ZBTB7C: variants seen among roughly 807,000 people sequenced by gnomAD.
ZBTB7C encodes the protein zinc finger and BTB domain-containing protein 7C.
A neutral mutation model predicts 25.7 loss-of-function variants in ZBTB7C; 8 were observed. The ratio of observed to expected loss-of-function variants is 0.31; its 90% CI spans 0.18 to 0.56. The LOEUF (loss-of-function observed/expected upper bound fraction) is 0.56. Among genes scored for constraint, ZBTB7C ranks in the 20% least tolerant of loss-of-function variants. The pLI is 0.91. For synonymous variants in ZBTB7C, 394 were observed against 369.0 expected (o/e 1.07, Z -0.78); for missense variants, 824 against 855.2 (o/e 0.96, Z 0.46).
chr18:48,262,298 T>G (rs1335304159), intron 2 of ZBTB7C, among the ~76,000 whole-genome samples: 2 of 151,984 alleles, frequency 1.3e-5, no homozygotes, highest in African/African-American at 4.8e-5. Context: ...GAGAGTTCAG[T>G]GAAGTTGAAG....
At chr18:48,056,229 A>G (rs914208334) in intron 3 of ZBTB7C, among the ~76,000 whole-genome samples, 1 of 152,238 alleles carries the variant, frequency 6.6e-6, no homozygotes, top group African/African-American at 2.4e-5. Flanking sequence ...GCACTCCTTA[A>G]GACTTAAGTC....
chr18:48,136,183 C>T (rs578010157), intron 3 of ZBTB7C, among the ~76,000 whole-genome samples: 71 of 152,242 alleles, frequency 4.7e-4, no homozygotes, highest in Admixed American at 1.5e-3. Flanking sequence ...GGAACTCAGG[C>T]GCTCCAGTGG....
chr18:48,386,065 C>T (rs1015459701), intron 1 of ZBTB7C, among the ~76,000 whole-genome samples: 1 of 152,186 alleles, frequency 6.6e-6, no homozygotes, highest in Non-Finnish European at 1.5e-5. Flanking sequence ...TCCATTCCAC[C>T]CCTGTCGAGT....
chr18:48,266,273 C>T (rs576642885), intron 2 of ZBTB7C, among the ~76,000 whole-genome samples: 16 of 152,280 alleles, frequency 1.1e-4, no homozygotes, highest in African/African-American at 3.4e-4. Context: ...ACTGACTCCA[C>T]GGCAGGGAGG....
chr18:48,198,928 T>C (rs1249141911), intron 2 of ZBTB7C, among the ~76,000 whole-genome samples: 1 of 152,242 alleles, frequency 6.6e-6, no homozygotes, highest in East Asian at 1.9e-4. Flanking sequence ...TGAGAAAGGC[T>C]GCATTGGAGG....
At chr18:48,317,118 C>T (rs1041721608) in intron 2 of ZBTB7C, among the ~76,000 whole-genome samples, 3 of 152,052 alleles carry the variant, frequency 2.0e-5, no homozygotes, top group African/African-American at 7.2e-5. Context: ...ACTAAAAATA[C>T]AAAAATCAGC....
At position 48,198,062 on chromosome 18, in the gene ZBTB7C, C is replaced by T. The variant is rs563719997; in HGVS notation, c.-78-12067G>A. Among the ~76,000 whole-genome samples, 12 of 152,292 alleles carry T rather than the reference C, an allele frequency of 7.9e-5. No individual in the cohort carries two copies. The South Asian group carries it at 1.4e-3, about 18-fold the overall frequency. On this transcript the variant is annotated intron_variant, in intron 2 of 4. Transcript: ENST00000590800. ...ATGATTCATGGATGAGCACAAGATA[C>T]GATTTCCCTTCTTGCATAACGTTGT... is the stretch of plus-strand genomic sequence containing the variant.
At chr18:48,326,937 C>G (rs1435008581) in intron 2 of ZBTB7C, among the ~76,000 whole-genome samples, 1 of 152,226 alleles carries the variant, frequency 6.6e-6, no homozygotes, top group East Asian at 1.9e-4. Context: ...AATAATAACA[C>G]AAAGTCCTGC....
At chr18:48,257,087 G>A (rs1412991307) in intron 2 of ZBTB7C, among the ~76,000 whole-genome samples, 1 of 151,682 alleles carries the variant, frequency 6.6e-6, no homozygotes, top group African/African-American at 2.4e-5. Flanking sequence ...TATAAAGGAA[G>A]ACCCAACTAT....
At chr18:48,116,883 T>A (rs574809747) in intron 3 of ZBTB7C, among the ~76,000 whole-genome samples, 1 of 152,068 alleles carries the variant, frequency 6.6e-6, no homozygotes, top group African/African-American at 2.4e-5. Context: ...ACGCTATGAG[T>A]ATAGGTCTGC....
intron 2 of ZBTB7C, among the ~76,000 whole-genome samples, chr18:48,323,076 A>G (rs1231118890): frequency 6.6e-6 from 1 of 152,232 alleles, no homozygotes; most frequent in Non-Finnish European, 1.5e-5. Context: ...CAGATAAAAC[A>G]CTACAAATTG....
upstream of ZBTB7C, chr18:48,410,632 C>G (rs1473249880): frequency 6.5e-6 from 1 of 152,692 alleles, no homozygotes; most frequent in African/African-American, 2.4e-5. Flanking sequence ...GGCAGATGTT[C>G]CCTCCAGCTA....
At chr18:48,279,629 T>A (rs1445509841) in intron 2 of ZBTB7C, among the ~76,000 whole-genome samples, 2 of 152,196 alleles carry the variant, frequency 1.3e-5, no homozygotes, top group Admixed American at 6.5e-5. Context: ...CTCCCCAAAA[T>A]GGCCTGCACT....
intron 3 of ZBTB7C, among the ~76,000 whole-genome samples, chr18:48,101,317 A>G (rs1568218484): frequency 1.3e-5 from 2 of 152,364 alleles, no homozygotes. Context: ...ATAGAATGTG[A>G]GCCACACGCA....
intron 3 of ZBTB7C, among the ~76,000 whole-genome samples, chr18:48,050,486 C>A (rs1233579369): frequency 6.6e-6 from 1 of 152,214 alleles, no homozygotes; most frequent in African/African-American, 2.4e-5. Flanking sequence ...AGCCCGCAGT[C>A]CCCAGCTGAG....
At chr18:48,175,451 A>G (rs2041638566) in intron 3 of ZBTB7C, among the ~76,000 whole-genome samples, 1 of 152,236 alleles carries the variant, frequency 6.6e-6, no homozygotes, top group Non-Finnish European at 1.5e-5. Flanking sequence ...AATGGATTGG[A>G]ATCAGAGGTA....
At chr18:48,289,141 C>G (rs182497458) in intron 2 of ZBTB7C, among the ~76,000 whole-genome samples, 130 of 152,264 alleles carry the variant, frequency 8.5e-4, no homozygotes, top group African/African-American at 3.1e-3. Flanking sequence ...CTCACACACT[C>G]CTTCCAGGAG....
At chr18:48,183,161 T>A (rs2145115049) in intron 3 of ZBTB7C, among the ~76,000 whole-genome samples, 1 of 152,222 alleles carries the variant, frequency 6.6e-6, no homozygotes, top group African/African-American at 2.4e-5. Flanking sequence ...TTGCTCCCTC[T>A]CCAAAGAAAA....
At chr18:48,064,570 C>T (rs10853561) in intron 3 of ZBTB7C, among the ~76,000 whole-genome samples, 4 of 151,968 alleles carry the variant, frequency 2.6e-5, no homozygotes, top group African/African-American at 4.8e-5. Flanking sequence ...TGGCAAAACC[C>T]CATTTCTACA....
Sources: allele counts gnomAD v4.1 joint callset (sites outside exome capture counted in the v4.1 genomes callset), GRCh38; gene constraint gnomAD v4.1.1; transcripts MANE v1.5; gene names NCBI Gene and HGNC (gene_info 2026-07-23, HGNC 2026-07-21).